The following PRICKLE1 variants were observed in gnomAD, a reference collection of about 807,000 sequenced individuals.
PRICKLE1 encodes the protein prickle-like protein 1.
PRICKLE1 carries 14 observed loss-of-function variants against 70.2 expected under a neutral mutation model. The ratio of observed to expected loss-of-function variants is 0.20; its 90% CI spans 0.13 to 0.31. The LOEUF is 0.31. Among genes scored for constraint, PRICKLE1 ranks in the 10% least tolerant of loss-of-function variants. The pLI, the probability that PRICKLE1 is intolerant of heterozygous loss-of-function variation, is 1.00. For missense variants in PRICKLE1, 821 were observed against 1,026.2 expected, an observed-to-expected ratio of 0.80 and a Z score of 2.73; for synonymous variants, 357 against 379.9, an observed-to-expected ratio of 0.94 and a Z score of 0.70.
Position 42,468,638 on chromosome 12 carries a change from T to C in PRICKLE1, c.576A>G (p.Ser192=), listed in dbSNP as rs763282675. ...HHAELLKPRC[S]ACDEIIFADE... is the part of the protein sequence containing the mutation. ...AACTTTTTTTTACCTCGTCACATGCTGAGCACCGTGGTTTGAGCAGTTCTG... is the reference window on the plus strand; with the variant it reads ...AACTTTTTTTTACCTCGTCACATGCCGAGCACCGTGGTTTGAGCAGTTCTG... Residue 192 remains serine (S), a synonymous_variant, in exon 5 of 8, where the codon TCA becomes TCG. Coordinates refer to ENST00000345127, the MANE Select transcript of PRICKLE1 (RefSeq NM_153026.3). 1 of 1,614,034 alleles carries C rather than the reference T, an allele frequency of 6.2e-7. No homozygotes were observed. The highest frequency in any genetic ancestry group is 8.5e-7 in the Non-Finnish European group (1 of 1,179,944).
chr12:42,465,591 T>C (rs1002156790), intron 6 of PRICKLE1: 5 of 333,190 alleles, frequency 1.5e-5, no homozygotes, highest in Non-Finnish European at 2.8e-5. Context: ...ACAAGTGTCC[T>C]ATTTCTGGTC....
At chr12:42,582,003 C>G (rs1272370038) in intron 1 of PRICKLE1, among the ~76,000 whole-genome samples, 3 of 151,932 alleles carry the variant, frequency 2.0e-5, no homozygotes, top group Non-Finnish European at 4.4e-5. Context: ...AGTGATTTTT[C>G]TGATTTATTC....
chr12:42,522,904 T>G (rs1939735341), intron 1 of PRICKLE1, among the ~76,000 whole-genome samples: 1 of 152,152 alleles, frequency 6.6e-6, no homozygotes, highest in Non-Finnish European at 1.5e-5. Flanking sequence ...TCACTTTAAT[T>G]ATAAAGACTA....
intron 1 of PRICKLE1, among the ~76,000 whole-genome samples, chr12:42,534,436 C>G (rs73277836): frequency 0.033 from 4,977 of 152,242 alleles, 268 homozygotes; most frequent in African/African-American, 0.11. Flanking sequence ...GCATCCAGCA[C>G]AGGGGCCAGC....
At chr12:42,531,726 G>A (rs1939921447) in intron 1 of PRICKLE1, among the ~76,000 whole-genome samples, 1 of 152,118 alleles carries the variant, frequency 6.6e-6, no homozygotes, top group Non-Finnish European at 1.5e-5. Context: ...AGCTGAAATG[G>A]TGCTTTTGAT....
intron 1 of PRICKLE1, among the ~76,000 whole-genome samples, chr12:42,516,456 A>G (rs1319846896): frequency 6.6e-6 from 1 of 152,134 alleles, no homozygotes; most frequent in East Asian, 1.9e-4. Flanking sequence ...TTTAATATCC[A>G]AGAGTTCCTG....
At chr12:42,473,676 A>G (rs572705330) in intron 1 of PRICKLE1, among the ~76,000 whole-genome samples, 32 of 152,312 alleles carry the variant, frequency 2.1e-4, no homozygotes, top group Non-Finnish European at 4.1e-4. Context: ...TCCCGACCCA[A>G]TGATTTTAGA....
At chr12:42,470,555 G>C (rs1254799806) in intron 2 of PRICKLE1, among the ~76,000 whole-genome samples, 196 bp from the exon 3 acceptor site, 1 of 152,202 alleles carries the variant, frequency 6.6e-6, no homozygotes, top group Non-Finnish European at 1.5e-5. Context: ...CTTCAGGAAT[G>C]TAATTTGTAG....
chr12:42,460,607 A>G lies in PRICKLE1; in HGVS notation c.1698T>C (p.Phe566=). The G allele has an allele frequency of 6.2e-7, 1 of 1,613,416 alleles. No homozygotes were observed. Among genetic ancestry groups the G allele is most frequent in the Admixed American group, 1.7e-5 (1 of 60,016 alleles). Residue 566 remains phenylalanine (F), a synonymous_variant, in exon 8 of 8, where the codon TTT becomes TTC. Transcript: ENST00000345127. ...CACAATCTTCTGTTTCCATCTCCTC[A>G]AAATTTTGCAGAGAATACAATGATG... The part of the protein sequence containing the change: ...PRPSLYSLQN[F]EEMETEDCEK...
At chr12:42,578,638 G>GA (rs35697058) in intron 1 of PRICKLE1, among the ~76,000 whole-genome samples, 76,545 of 151,584 alleles carry the variant, frequency 0.5, 19,959 homozygotes, top group East Asian at 0.67. Context: ...CAGCTGGGGG[G>GA]AAAAACCCAC....
Position 42,486,885 on chromosome 12 carries a change from C to T in PRICKLE1, c.-48-14321G>A, listed in dbSNP as rs183608240. The stretch of plus-strand genomic sequence containing the variant: ...CTTAATAGAAATGAGAGATCAAAGG[C>T]TCTGATAATCACAAATGACATCTAA... On this transcript the variant is annotated intron_variant, in intron 1 of 7. Coordinates refer to ENST00000345127, the MANE Select transcript of PRICKLE1 (RefSeq NM_153026.3). Among the ~76,000 whole-genome samples the T allele has an allele frequency of 5.3e-4, 80 of 152,236 alleles. 1 individual carries two copies. Among genetic ancestry groups the T allele is most frequent in the African/African-American group, 1.9e-3 (77 of 41,542 alleles).
intron 1 of PRICKLE1, among the ~76,000 whole-genome samples, chr12:42,514,887 CTCTATCTATCTATCTATCTATCTA>C (rs150030888): frequency 0.15 from 21,481 of 139,684 alleles, 1,991 homozygotes; most frequent in Admixed American, 0.23. Flanking sequence ...TTAAGGCTCG[CTCTATCTATCTATCTATCTATCTA>C]TCTATCTATC....
At chr12:42,514,512 A>G (rs952739199) in intron 1 of PRICKLE1, among the ~76,000 whole-genome samples, 72 of 152,288 alleles carry the variant, frequency 4.7e-4, no homozygotes, top group African/African-American at 1.7e-3. Context: ...TCACTAATGC[A>G]TGCAGACCAA....
chr12:42,555,131 T>C lies in PRICKLE1; in HGVS notation c.-49+34334A>G, dbSNP rs553753175. Among the ~76,000 whole-genome samples, 63 of 152,078 alleles carry C rather than the reference T, an allele frequency of 4.1e-4. 1 individual carries two copies. Among genetic ancestry groups the C allele is most frequent in the Non-Finnish European group, 3.8e-4 (26 of 68,012 alleles). On this transcript the variant is annotated intron_variant, in intron 1 of 7. Transcript: ENST00000345127. ...CAGACTGGGCAACATGGTGAAACCC[T>C]GTCTCCACTAAAAATACAAAAAATT... is the stretch of plus-strand genomic sequence containing the variant.
intron 1 of PRICKLE1, among the ~76,000 whole-genome samples, chr12:42,499,706 C>A (rs1291079981): frequency 6.6e-6 from 1 of 150,730 alleles, no homozygotes; most frequent in East Asian, 2.0e-4. Flanking sequence ...CAGGTATGAG[C>A]CACCGTGTCT....
At chr12:42,570,744 C>T (rs1307245287) in intron 1 of PRICKLE1, among the ~76,000 whole-genome samples, 6 of 152,202 alleles carry the variant, frequency 3.9e-5, no homozygotes, top group East Asian at 3.9e-4. Context: ...CACTTGAACC[C>T]GGGAGGCGGA....
At position 42,559,625 on chromosome 12, in the gene PRICKLE1, T is replaced by TATATATA. The variant is rs1491144082; in HGVS notation, c.-49+29839_-49+29840insTATATAT. Among the ~76,000 whole-genome samples, 5 of 19,544 alleles carry TATATATA rather than the reference T, an allele frequency of 2.6e-4. No individual in the cohort carries two copies. The East Asian group carries it at 7.6e-3, about 30-fold the overall frequency. The allele number at this position is 19,544 out of a possible 152,430, so 12.8% of individuals were successfully genotyped here. ...GTGTGTGTATATATATATATATATA[T>TATATATA]TTTTTTTTTTTGGGGGGGGTAGAGA... is the stretch of plus-strand genomic sequence containing the variant. On this transcript the variant is annotated intron_variant, in intron 1 of 7. Transcript: ENST00000345127.
chr12:42,536,483 G>A (rs141242324), intron 1 of PRICKLE1, among the ~76,000 whole-genome samples: 3 of 152,218 alleles, frequency 2.0e-5, no homozygotes, highest in African/African-American at 7.2e-5. Flanking sequence ...AGCGGAGTTG[G>A]ACATTAGCTG....
At chr12:42,520,903 G>A (rs1939698656) in intron 1 of PRICKLE1, among the ~76,000 whole-genome samples, 1 of 152,220 alleles carries the variant, frequency 6.6e-6, no homozygotes. Context: ...AGGCGTGGTG[G>A]CTCACGCCTA....
Sources: allele counts gnomAD v4.1 joint callset (sites outside exome capture counted in the v4.1 genomes callset), GRCh38; gene constraint gnomAD v4.1.1; transcripts MANE v1.5; gene names NCBI Gene and HGNC (gene_info 2026-07-23, HGNC 2026-07-21).